Variants in CC2D1B observed in about 807,000 individuals in gnomAD.
The protein encoded by CC2D1B is coiled-coil and C2 domain-containing protein 1B.
CC2D1B carries 92 observed loss-of-function variants against 110.8 expected under a neutral mutation model. The observed-to-expected ratio is 0.83, with a 90% CI of 0.70 to 0.99. CC2D1B has a LOEUF of 0.99. Ranked by LOEUF, CC2D1B falls within the 50% of genes least tolerant of loss-of-function variation. CC2D1B has a pLI of 0.00. For synonymous variants in CC2D1B, 406 were observed against 429.2 expected (o/e 0.95, Z 0.67); for missense variants, 1,136 against 1,089.0 (o/e 1.04, Z -0.61).
intron 3 of CC2D1B, 103 bp downstream of exon 3, chr1:52,362,499 C>G: frequency 7.2e-7 from 1 of 1,390,062 alleles, no homozygotes; most frequent in Non-Finnish European, 1.0e-6. Context: ...TTGGAAGGAC[C>G]AGGGGATCTG....
At chr1:52,353,700 C>T in intron 23 of CC2D1B, 53 bp from the exon 24 acceptor site, 1 of 1,355,912 alleles carries the variant, frequency 7.4e-7, no homozygotes, top group Non-Finnish European at 1.0e-6. Flanking sequence ...AGATGGGGAG[C>T]AGGCAGGTCC....
intron 6 of CC2D1B, 66 bp downstream of exon 6, chr1:52,360,358 G>C: frequency 6.3e-7 from 1 of 1,597,242 alleles, no homozygotes; most frequent in Non-Finnish European, 8.5e-7. Flanking sequence ...CCACTGGTGC[G>C]ATCTCCACCA....
rs780762958 is a variant in CC2D1B at position 52,360,435 on chromosome 1, G to A, written c.592C>T (p.Arg198Cys). 9.3e-6 allele frequency: 15 copies of A among 1,613,486 alleles called. No homozygotes were observed. In the East Asian group the frequency reaches 2.5e-4, roughly 26 times the overall value. The change falls in exon 6 of 25, where the codon CGC (arginine) becomes TGC (cysteine). Residue 198 changes from arginine (R) to cysteine (C), a missense_variant. Physicochemically the swap from Arg to Cys is radical, Grantham distance 180 (BLOSUM62 -3). Coordinates refer to ENST00000284376, the MANE Select transcript of CC2D1B (RefSeq NM_001330585.2). ...GEAAKARRCE[R>C]GLKTLESQLA... ...CTAGCCCGACTCACCTTCAGGCCGC[G>A]CTCGCAGCGCCTGGCTTTGGCTGCT...
At chr1:52,363,572 A>G (rs1384872627) in intron 2 of CC2D1B, among the ~76,000 whole-genome samples, 2 of 151,804 alleles carry the variant, frequency 1.3e-5, no homozygotes, top group African/African-American at 2.4e-5. Flanking sequence ...TGTGAAACAA[A>G]CTTTCTACCC....
chr1:52,364,105 C>G (rs1646838417), intron 2 of CC2D1B, among the ~76,000 whole-genome samples: 1 of 152,166 alleles, frequency 6.6e-6, no homozygotes, highest in Non-Finnish European at 1.5e-5. Context: ...TCTTACCTGC[C>G]TTTTTAAAGA....
chr1:52,363,320 G>A (rs563392810), intron 2 of CC2D1B, among the ~76,000 whole-genome samples: 3 of 151,616 alleles, frequency 2.0e-5, no homozygotes, highest in Admixed American at 1.3e-4. Context: ...GCGTGAACCC[G>A]GGAGATGGAG....
In CC2D1B at chr1:52,354,609, T is replaced by G; in HGVS notation, c.2429A>C (p.Glu810Ala). The G allele has an allele frequency of 3.1e-6, 5 of 1,614,066 alleles. No individual in the cohort carries two copies. The highest frequency in any genetic ancestry group is 4.2e-6 in the Non-Finnish European group (5 of 1,179,938). Residue 810 changes from glutamate (E) to alanine (A), a missense_variant and splice_region_variant, in exon 23 of 25, where the codon GAG becomes GCG. Transcript: ENST00000284376. ...ENECEIREIVEVLDGRKPTGG... is the reference protein window; with the variant it reads ...ENECEIREIVAVLDGRKPTGG... ...GCTTGCCCACACCCCAGCCCCTACC[T>G]CCACAATTTCTCTGATCTCACACTC...
intron 21 of CC2D1B, 125 bp from the exon 22 acceptor site, chr1:52,355,064 C>A: frequency 1.3e-6 from 1 of 774,806 alleles, no homozygotes; most frequent in Non-Finnish European, 2.2e-6. Flanking sequence ...GTACTGCCTC[C>A]AAAGGGTGGT....
chr1:52,353,083 C>G lies in CC2D1B; in HGVS notation c.*142G>C. On this transcript the variant is annotated 3_prime_UTR_variant, in exon 25 of 25. Transcript: ENST00000284376. ...CAACAGGAAAGACCAGAGTCGTGGT[C>G]AGTAGTGCACATGCTTAACAGGTCT... 1 of 804,392 alleles carries G rather than the reference C, an allele frequency of 1.2e-6. No homozygotes were observed. 49.8% of individuals were successfully genotyped at this position (804,392 alleles called of 1,614,324 possible). A position where few individuals can be genotyped will look rare whatever the true frequency, so the allele number is the denominator to read the frequency against.
chr1:52,352,949 A>G lies in CC2D1B; in HGVS notation c.*276T>C, dbSNP rs956552836. The G allele has an allele frequency of 2.3e-5, 8 of 351,616 alleles. No homozygotes were observed. The Admixed American group carries it at 2.3e-4, about 10-fold the overall frequency. The allele number at this position is 351,616 out of a possible 1,614,324, so 21.8% of individuals were successfully genotyped here. A position where few individuals can be genotyped will look rare whatever the true frequency, so the allele number is the denominator to read the frequency against. ...AAGGGGCTGCAGGACTCCATGGTAC[A>G]GAGGAATGGAAGTGTCCTTGCCCTC... On this transcript the variant is annotated 3_prime_UTR_variant, in exon 25 of 25. Transcript: ENST00000284376.
chr1:52,361,732 T>C, intron 3 of CC2D1B, 116 bp from the exon 4 acceptor site: 1 of 1,298,626 alleles, frequency 7.7e-7, no homozygotes, highest in Non-Finnish European at 1.1e-6. Flanking sequence ...CACAGCAGAG[T>C]CCCACCTGGA....
In CC2D1B at chr1:52,364,553, T is replaced by C; in HGVS notation, c.68A>G (p.Gln23Arg). 1 of 1,600,430 alleles carries C rather than the reference T, an allele frequency of 6.2e-7. No individual in the cohort carries two copies. The highest frequency in any genetic ancestry group is 1.3e-5 in the African/African-American group (1 of 74,856). Residue 23 changes from glutamine (Q) to arginine (R), a missense_variant and splice_region_variant, in exon 2 of 25, where the codon CAG (glutamine) becomes CGG (arginine). Transcript: ENST00000284376. ...AGCCTAGAAGGCTAAGTTCCATACC[T>C]GCTTGGCAGCGGCCACCCCTTGGCC... Reference protein sequence around the residue: ...ARGQGVAAAKQMGLFMEFGPE... With the variant: ...ARGQGVAAAKRMGLFMEFGPE...
At chr1:52,359,940 C>A in intron 7 of CC2D1B, 57 bp from the exon 8 acceptor site, 2 of 1,572,488 alleles carry the variant, frequency 1.3e-6, no homozygotes, top group African/African-American at 1.3e-5. Flanking sequence ...AGAAGGTGCC[C>A]ACGGACTTCA....
Position 52,354,949 on chromosome 1 carries a change from G to C in CC2D1B, c.2240-10C>G, listed in dbSNP as rs1557541060. On this transcript the variant is annotated splice_polypyrimidine_tract_variant and intron_variant, in intron 21 of 24. Transcript: ENST00000284376. Reference sequence around the variant, plus strand: ...AAGAGTTGATCAAATTCTGGCAAAGGGGGAGAAAGCAAGGAGGGGCTTGGC... The same window carrying C: ...AAGAGTTGATCAAATTCTGGCAAAGCGGGAGAAAGCAAGGAGGGGCTTGGC... 6.2e-6 allele frequency: 10 copies of C among 1,610,244 alleles called. No individual in the cohort carries two copies. Among genetic ancestry groups the C allele is most frequent in the Non-Finnish European group, 6.0e-6 (7 of 1,176,466 alleles).
rs41294502 is a variant in CC2D1B, at chr1:52,359,008, T to C, written c.1257+19A>G. The C allele has an allele frequency of 3.0e-4, 473 of 1,602,650 alleles. No individual in the cohort carries two copies. The highest frequency in any genetic ancestry group is 3.1e-4 in the Non-Finnish European group (368 of 1,178,200). ...GGAAGAGGCCAGCACAGGCAGGGGC[T>C]GCATAGCCGCGGGCCCACCTTGGCA... On this transcript the variant is annotated intron_variant, in intron 11 of 24. Transcript: ENST00000284376.
rs1557543774 is a variant in CC2D1B at position 52,356,394 on chromosome 1, C to CA, written c.1926dup (p.Glu643Ter). The CA allele has an allele frequency of 9.9e-6, 16 of 1,614,260 alleles. No homozygotes were observed. Among genetic ancestry groups the CA allele is most frequent in the Non-Finnish European group, 1.0e-5 (12 of 1,180,046 alleles). ...AGCCCTTGCACTTACCGGGTGGTCT[C>CA]AGCCACGTTGCCCTGGTGCATGAAC... On this transcript the variant is annotated frameshift_variant, in exon 17 of 25. Transcript: ENST00000284376. LOFTEE classifies it high-confidence loss of function.
At chr1:52,356,471 G>A (rs772480359) in intron 16 of CC2D1B, 29 bp from the exon 17 acceptor site, 13 of 1,613,278 alleles carry the variant, frequency 8.1e-6, no homozygotes, top group South Asian at 5.5e-5. Flanking sequence ...AGTGACTCCC[G>A]AGCCCAGAGC....
At position 52,358,944 on chromosome 1, in the gene CC2D1B, G is replaced by C; in HGVS notation, c.1257+83C>G. The C allele has an allele frequency of 1.9e-6, 3 of 1,561,564 alleles. No individual in the cohort carries two copies. The Admixed American group carries it at 5.1e-5, about 27-fold the overall frequency. ...CAGATGATGGTTCAGAAAAGACAAGGACTAGCCGGAGGACCAGGGAGACAG... is the reference window on the plus strand; with the variant it reads ...CAGATGATGGTTCAGAAAAGACAAGCACTAGCCGGAGGACCAGGGAGACAG... On this transcript the variant is annotated intron_variant, in intron 11 of 24. Coordinates refer to ENST00000284376, the MANE Select transcript of CC2D1B (RefSeq NM_001330585.2).
chr1:52,355,285 A>T, intron 21 of CC2D1B, 113 bp downstream of exon 21: 2 of 1,102,980 alleles, frequency 1.8e-6, no homozygotes, highest in Non-Finnish European at 2.7e-6. Context: ...CAGCACCTTT[A>T]TCTCCCAAGT....
Sources: gnomAD v4.1 joint callset for allele counts (sites outside exome capture counted in the v4.1 genomes callset) on GRCh38, gnomAD v4.1.1 for gene constraint, MANE v1.5 for transcripts, NCBI Gene and HGNC (gene_info 2026-07-23, HGNC 2026-07-21) for gene names.